INPP4B: variants seen among roughly 807,000 people sequenced by gnomAD.
INPP4B encodes the protein inositol polyphosphate 4-phosphatase type II.
Under a neutral mutation model 122.5 loss-of-function variants are expected in INPP4B, and 55 were observed. The observed-to-expected ratio is 0.45, with a 90% CI of 0.36 to 0.56. The LOEUF (loss-of-function observed/expected upper bound fraction) is 0.56. Among genes scored for constraint, INPP4B ranks in the 20% least tolerant of loss-of-function variants. The probability of loss-of-function intolerance (pLI) is 0.00; values close to 1 mark genes in which losing one functional copy is unlikely to be tolerated. For missense variants in INPP4B, 1,000 were observed against 1,097.7 expected (o/e 0.91, Z 1.26); for synonymous variants, 403 against 388.7 (o/e 1.04, Z -0.43).
intron 1 of INPP4B, among the ~76,000 whole-genome samples, chr4:142,792,967 T>C (rs17016776): frequency 0.092 from 13,925 of 151,990 alleles, 810 homozygotes; most frequent in African/African-American, 0.16. Context: ...AGATAGACAT[T>C]GGCAACCAAA....
At chr4:142,736,915 G>C (rs2150902131) in intron 1 of INPP4B, among the ~76,000 whole-genome samples, 1 of 152,206 alleles carries the variant, frequency 6.6e-6, no homozygotes, top group East Asian at 1.9e-4. Flanking sequence ...TGCCCATTCA[G>C]TATGATATTG....
chr4:142,588,363 T>C (rs1321312582), intron 2 of INPP4B, among the ~76,000 whole-genome samples: 5 of 151,738 alleles, frequency 3.3e-5, no homozygotes, highest in African/African-American at 1.2e-4. Context: ...AAATTTGTCT[T>C]TTGTTTTTGT....
At chr4:142,669,939 A>C (rs1403213459) in intron 2 of INPP4B, among the ~76,000 whole-genome samples, 2 of 152,210 alleles carry the variant, frequency 1.3e-5, no homozygotes, top group African/African-American at 4.8e-5. Context: ...ATTCCTCAAA[A>C]AATTTGAAGA....
At chr4:142,608,515 A>T (rs755906951) in intron 2 of INPP4B, among the ~76,000 whole-genome samples, 1 of 152,122 alleles carries the variant, frequency 6.6e-6, no homozygotes, top group Non-Finnish European at 1.5e-5. Flanking sequence ...TGCACTTGAA[A>T]TCCATCTCTG....
rs35260066 is a variant in INPP4B at position 142,290,195 on chromosome 4, C to CTTTTTTTTTTTTTTTTTT, written c.503+15245_503+15262dup. ...CCACCTTGGCCTTATTTCTTTCTTC[C>CTTTTTTTTTTTTTTTTTT]TTTTTTTTTTTTTTTTTTTTTTTTT... On this transcript the variant is annotated intron_variant, in intron 9 of 25. Transcript: ENST00000262992. Among the ~76,000 whole-genome samples the CTTTTTTTTTTTTTTTTTT allele has an allele frequency of 3.9e-5, 3 of 77,482 alleles. 1 individual carries two copies. The highest frequency in any genetic ancestry group is 1.3e-4 in the African/African-American group (2 of 15,112). The allele number at this position is 77,482 out of a possible 152,430, so 50.8% of individuals were successfully genotyped here.
intron 2 of INPP4B, among the ~76,000 whole-genome samples, chr4:142,541,675 C>A (rs769222527): frequency 6.6e-6 from 1 of 152,150 alleles, no homozygotes; most frequent in Non-Finnish European, 1.5e-5. Context: ...TGGTAGAGAG[C>A]GCTGCAGACT....
intron 2 of INPP4B, among the ~76,000 whole-genome samples, chr4:142,466,662 A>T (rs1416844980): frequency 2.6e-5 from 4 of 152,210 alleles, no homozygotes; most frequent in African/African-American, 9.6e-5. Flanking sequence ...CATGACTAAA[A>T]GGGAGCCAAG....
chr4:142,089,191 G>A (rs6853327), intron 23 of INPP4B, among the ~76,000 whole-genome samples: 38,134 of 151,922 alleles, frequency 0.25, 4,854 homozygotes, highest in East Asian at 0.3. Flanking sequence ...TAGAAAATGC[G>A]GGCAACTGAT....
At chr4:142,322,029 T>C (rs1471340881) in intron 7 of INPP4B, among the ~76,000 whole-genome samples, 3 of 152,186 alleles carry the variant, frequency 2.0e-5, no homozygotes, top group Non-Finnish European at 4.4e-5. Flanking sequence ...TTATAAGCAC[T>C]GGCAATCTCA....
chr4:142,700,043 TTCTC>T (rs981756861), intron 2 of INPP4B, among the ~76,000 whole-genome samples: 2 of 152,074 alleles, frequency 1.3e-5, no homozygotes, highest in Admixed American at 6.6e-5. Flanking sequence ...ACCACCCTCT[TTCTC>T]TCTCTCCCTG....
chr4:142,258,965 C>T (rs1297984518), intron 11 of INPP4B, among the ~76,000 whole-genome samples: 1 of 152,000 alleles, frequency 6.6e-6, no homozygotes, highest in East Asian at 1.9e-4. Flanking sequence ...AAATGTCCAA[C>T]AGTGATAGAC....
chr4:142,029,098 T>C, intron 25 of INPP4B, 184 bp from the exon 26 acceptor site: 1 of 1,333,272 alleles, frequency 7.5e-7, no homozygotes, highest in Non-Finnish European at 9.6e-7. Flanking sequence ...CCCAATACCA[T>C]TATTGCCCTC....
rs892195195 is a variant in INPP4B at position 142,197,409 on chromosome 4, T to A, written c.1073-4214A>T. ...CAATTACCACCTTCTCTGTGAAATC[T>A]TTCTGAATATTCCAGTCAGAATAAT... is the stretch of plus-strand genomic sequence containing the variant. On this transcript the variant is annotated intron_variant, in intron 14 of 25. Coordinates refer to ENST00000262992, the MANE Select transcript of INPP4B (RefSeq NM_001101669.3). Among the ~76,000 whole-genome samples, 13 of 152,298 alleles carry A rather than the reference T, an allele frequency of 8.5e-5. No homozygotes were observed. In the East Asian group the frequency reaches 1.4e-3, roughly 16 times the overall value.
chr4:142,174,510 A>G (rs1827117515), intron 15 of INPP4B, among the ~76,000 whole-genome samples: 1 of 152,146 alleles, frequency 6.6e-6, no homozygotes, highest in Non-Finnish European at 1.5e-5. Context: ...CAGAAAAAGG[A>G]CATTAGTAGC....
At chr4:142,696,462 C>A (rs1761039953) in intron 2 of INPP4B, among the ~76,000 whole-genome samples, 1 of 152,222 alleles carries the variant, frequency 6.6e-6, no homozygotes, top group Non-Finnish European at 1.5e-5. Flanking sequence ...AAGGCACTAA[C>A]TGACCCAGGC....
intron 9 of INPP4B, among the ~76,000 whole-genome samples, chr4:142,295,588 G>A (rs1015881272): frequency 3.9e-5 from 6 of 152,156 alleles, no homozygotes; most frequent in South Asian, 2.1e-4. Context: ...CTAATAAGCT[G>A]TTGATAAGTA....
At chr4:142,109,146 T>C (rs1034650561) in intron 22 of INPP4B, among the ~76,000 whole-genome samples, 17 of 152,044 alleles carry the variant, frequency 1.1e-4, no homozygotes, top group African/African-American at 3.9e-4. Context: ...CTTCCTTTTT[T>C]TTTTTTCTCA....
intron 10 of INPP4B, among the ~76,000 whole-genome samples, chr4:142,262,697 G>C (rs1740680056): frequency 6.6e-6 from 1 of 151,974 alleles, no homozygotes; most frequent in Non-Finnish European, 1.5e-5. Flanking sequence ...GAACTTAGTA[G>C]GTGATATTTT....
intron 2 of INPP4B, among the ~76,000 whole-genome samples, chr4:142,578,344 TTC>T (rs1200167517): frequency 6.6e-6 from 1 of 151,988 alleles, no homozygotes; most frequent in African/African-American, 2.4e-5. Flanking sequence ...TGTCCAACTT[TTC>T]TCTGATTGTT....
Sources: allele counts gnomAD v4.1 joint callset (sites outside exome capture counted in the v4.1 genomes callset), GRCh38; gene constraint gnomAD v4.1.1; transcripts MANE v1.5; gene names NCBI Gene and HGNC (gene_info 2026-07-23, HGNC 2026-07-21).